Variants in PHOX2A observed in about 807,000 individuals in gnomAD.
PHOX2A encodes paired like homeobox 2A, also known as paired mesoderm homeobox protein 2A.
Under a neutral mutation model 16.4 loss-of-function variants are expected in PHOX2A, and 10 were observed. That is an observed-to-expected ratio of 0.61 (90% confidence interval 0.38 to 1.04). The LOEUF is 1.04. Among genes scored for constraint, PHOX2A ranks in the 50% least tolerant of loss-of-function variants. The pLI is 0.01. For missense variants in PHOX2A, 361 were observed against 419.4 expected, an observed-to-expected ratio of 0.86 and a Z score of 1.22; for synonymous variants, 219 against 203.8, an observed-to-expected ratio of 1.07 and a Z score of -0.64.
At chr11:72,242,996 C>T (rs1405612462) in intron 1 of PHOX2A, among the ~76,000 whole-genome samples, 1 of 152,090 alleles carries the variant, frequency 6.6e-6, no homozygotes, top group Non-Finnish European at 1.5e-5. Context: ...CTTGGGTCCC[C>T]GGCAGTCTTC....
At position 72,241,246 on chromosome 11, in the gene PHOX2A, C is replaced by G; in HGVS notation, c.261G>C (p.Lys87Asn). The change falls in exon 2 of 3, where the codon AAG becomes AAC. Residue 87 changes from lysine (K) to asparagine (N), a missense_variant. Physicochemically the swap from Lys to Asn is moderately conservative, Grantham distance 94. Around this residue, in one of 3 missense-constraint regions of PHOX2A, gnomAD observed 235 missense variants for 263.8 expected, o/e 0.89. Coordinates refer to ENST00000298231, the MANE Select transcript of PHOX2A (RefSeq NM_005169.4). Reference protein sequence around the residue: ...FFPEPSGLHEKRKQRRIRTTF... With the variant: ...FFPEPSGLHENRKQRRIRTTF... ...TGGTGCGGATGCGCCGCTGCTTGCG[C>G]TTCTCGTGCAGGCCGGATGGCTCTG... The G allele has an allele frequency of 6.3e-7, 1 of 1,590,454 alleles. No homozygotes were observed.
chr11:72,239,698 A>G lies in PHOX2A; in HGVS notation c.*51T>C. ...GATGGGAGGGGCTGTCAGGTCCTGG[A>G]GGGGCAGGGACGTCTCTGGGGGCAG... On this transcript the variant is annotated 3_prime_UTR_variant, in exon 3 of 3. Coordinates refer to ENST00000298231, the MANE Select transcript of PHOX2A (RefSeq NM_005169.4). The G allele has an allele frequency of 7.9e-7, 1 of 1,272,306 alleles. No individual in the cohort carries two copies. Among genetic ancestry groups the G allele is most frequent in the Non-Finnish European group, 1.0e-6 (1 of 995,138 alleles). 78.8% of individuals were successfully genotyped at this position (1,272,306 alleles called of 1,614,324 possible). A position where few individuals can be genotyped will look rare whatever the true frequency, so the allele number is the denominator to read the frequency against.
chr11:72,239,728 G>T lies in PHOX2A; in HGVS notation c.*21C>A, dbSNP rs770306817. 2 of 1,304,368 alleles carry T rather than the reference G, an allele frequency of 1.5e-6. No individual in the cohort carries two copies. Among genetic ancestry groups the T allele is most frequent in the Non-Finnish European group, 2.0e-6 (2 of 1,018,612 alleles). 80.8% of individuals were successfully genotyped at this position (1,304,368 alleles called of 1,614,324 possible). A position where few individuals can be genotyped will look rare whatever the true frequency, so the allele number is the denominator to read the frequency against. On this transcript the variant is annotated 3_prime_UTR_variant, in exon 3 of 3. Transcript: ENST00000298231. ...CAGGGACGTCTCTGGGGGCAGGCTCGGAGCCTCCAGAGGCCGGCAGCTAGA... is the reference window on the plus strand; with the variant it reads ...CAGGGACGTCTCTGGGGGCAGGCTCTGAGCCTCCAGAGGCCGGCAGCTAGA...
Position 72,241,198 on chromosome 11 carries a change from C to T in PHOX2A, c.309G>A (p.Lys103=), listed in dbSNP as rs764087245. 5.6e-6 allele frequency: 9 copies of T among 1,613,388 alleles called. No individual in the cohort carries two copies. Among genetic ancestry groups the T allele is most frequent in the East Asian group, 2.2e-5 (1 of 44,856 alleles). Residue 103 remains lysine, a synonymous_variant, in exon 2 of 3, where the codon AAG becomes AAA. Coordinates refer to ENST00000298231, the MANE Select transcript of PHOX2A (RefSeq NM_005169.4). ...TCTCAGCGAAAACGCGCTCCAGCTC[C>T]TTGAGCTGCGCGCTGGTGAACGTGG... ...IRTTFTSAQL[K]ELERVFAETH...
intron 1 of PHOX2A, among the ~76,000 whole-genome samples, chr11:72,243,527 G>A (rs1206618803): frequency 6.6e-6 from 1 of 152,196 alleles, no homozygotes; most frequent in Non-Finnish European, 1.5e-5. Flanking sequence ...AAGGGGCCCA[G>A]AGCTGGATGG....
intron 1 of PHOX2A, 27 bp from the exon 2 acceptor site, chr11:72,241,316 G>GT (rs1949119112): frequency 3.2e-6 from 4 of 1,248,264 alleles, no homozygotes; most frequent in Non-Finnish European, 4.4e-6. Flanking sequence ...GGGGGCCGGG[G>GT]GGGGGGCAAA....
Position 72,241,278 on chromosome 11 carries a change from A to C in PHOX2A, c.229T>G (p.Phe77Val). ...PAPYSAVPYK[F>V]FPEPSGLHEK... ...TGCAGGCCGGATGGCTCTGGGAAGAACTTGTAGGGCACTGCGGGTGTGTGC... is the reference window on the plus strand; with the variant it reads ...TGCAGGCCGGATGGCTCTGGGAAGACCTTGTAGGGCACTGCGGGTGTGTGC... Residue 77 changes from phenylalanine to valine, a missense_variant, in exon 2 of 3, where the codon TTC becomes GTC. Physicochemically the swap from Phe to Val is conservative, Grantham distance 50 (BLOSUM62 -1). Around this residue, in one of 3 missense-constraint regions of PHOX2A, gnomAD observed 235 missense variants for 263.8 expected, o/e 0.89. Transcript: ENST00000298231. The C allele has an allele frequency of 2.1e-6, 3 of 1,447,440 alleles. No homozygotes were observed. The highest frequency in any genetic ancestry group is 2.8e-6 in the Non-Finnish European group (3 of 1,079,560). The allele number at this position is 1,447,440 out of a possible 1,614,324, so 89.7% of individuals were successfully genotyped here. A position where few individuals can be genotyped will look rare whatever the true frequency, so the allele number is the denominator to read the frequency against.
chr11:72,241,072 A>C, intron 2 of PHOX2A, 30 bp downstream of exon 2: 1 of 1,607,790 alleles, frequency 6.2e-7, no homozygotes, highest in Admixed American at 1.7e-5. Flanking sequence ...TTCCATGCGC[A>C]CTCTCGTACA....
chr11:72,240,112 TTTGGCGCCCGCCGCGCCCGCCGCGCCC>T lies in PHOX2A; in HGVS notation c.465_491del (p.Gly156_Lys164del), dbSNP rs1272569813. On this transcript the variant is annotated inframe_deletion, in exon 3 of 3. Coordinates refer to ENST00000298231, the MANE Select transcript of PHOX2A (RefSeq NM_005169.4). ...CGGAGGAGCAGCGCGCCTCGCCCTT[TTTGGCGCCCGCCGCGCCCGCCGCGCCC>T]TTGGCGCTGGCCGCGCGCTCCTGTT... is the stretch of plus-strand genomic sequence containing the variant. 13 of 1,531,800 alleles carry T rather than the reference TTTGGCGCCCGCCGCGCCCGCCGCGCCC, an allele frequency of 8.5e-6. No individual in the cohort carries two copies. The highest frequency in any genetic ancestry group is 2.8e-5 in the African/African-American group (2 of 72,526). The allele number at this position is 1,531,800 out of a possible 1,614,324, so 94.9% of individuals were successfully genotyped here.
Position 72,244,057 on chromosome 11 carries a change from C to A in PHOX2A, c.-53G>T. On this transcript the variant is annotated 5_prime_UTR_variant, in exon 1 of 3. Transcript: ENST00000298231. ...GGCCAGGCCGGGTCGGGGTCGGGGT[C>A]CGGGTGGAGGTCGGAAGGGAGGTTC... 1 of 914,082 alleles carries A rather than the reference C, an allele frequency of 1.1e-6. No individual in the cohort carries two copies. The highest frequency in any genetic ancestry group is 1.4e-6 in the Non-Finnish European group (1 of 691,182). 56.6% of individuals were successfully genotyped at this position (914,082 alleles called of 1,614,324 possible).
intron 2 of PHOX2A, among the ~76,000 whole-genome samples, 181 bp downstream of exon 2, chr11:72,240,921 G>A (rs1447526899): frequency 6.6e-6 from 1 of 152,170 alleles, no homozygotes; most frequent in African/African-American, 2.4e-5. Flanking sequence ...TAAACAGATC[G>A]GGTCTCCCAA....
chr11:72,239,447 T>G lies in PHOX2A; in HGVS notation c.*302A>C. 1 of 280,708 alleles carries G rather than the reference T, an allele frequency of 3.6e-6. No homozygotes were observed. The highest frequency in any genetic ancestry group is 6.6e-6 in the Non-Finnish European group (1 of 151,500). 17.4% of individuals were successfully genotyped at this position (280,708 alleles called of 1,614,324 possible). On this transcript the variant is annotated 3_prime_UTR_variant, in exon 3 of 3. Transcript: ENST00000298231. ...TTGAGGACCTTCACTTTGAGGGCAC[T>G]GTTAGGGACAGGCCTCATGTGATAC... is the stretch of plus-strand genomic sequence containing the variant.
At position 72,239,841 on chromosome 11, in the gene PHOX2A, G is replaced by T; in HGVS notation, c.763C>A (p.Gln255Lys). 7.3e-7 allele frequency: 1 copy of T among 1,375,596 alleles called. No homozygotes were observed. Among genetic ancestry groups the T allele is most frequent in the Non-Finnish European group, 9.5e-7 (1 of 1,053,798 alleles). The allele number at this position is 1,375,596 out of a possible 1,614,324, so 85.2% of individuals were successfully genotyped here. A position where few individuals can be genotyped will look rare whatever the true frequency, so the allele number is the denominator to read the frequency against. ...AGAAELLKAW[Q>K]PAESGPGPFS... ...GGCCCGGGGCCGGACTCCGCCGGCT[G>T]CCAAGCCTTAAGTAGTTCGGCCGCT... The change falls in exon 3 of 3, where the codon CAG becomes AAG. Residue 255 changes from glutamine to lysine, a missense_variant. Gln to Lys is a moderately conservative substitution (Grantham distance 53). Transcript: ENST00000298231.
chr11:72,240,938 C>T (rs1949113697), intron 2 of PHOX2A, among the ~76,000 whole-genome samples, 164 bp downstream of exon 2: 1 of 152,218 alleles, frequency 6.6e-6, no homozygotes, highest in South Asian at 2.1e-4. Flanking sequence ...CCAAGGGCCT[C>T]CAAGTCCGGG....
At chr11:72,243,063 T>C (rs1949134582) in intron 1 of PHOX2A, among the ~76,000 whole-genome samples, 2 of 152,160 alleles carry the variant, frequency 1.3e-5, no homozygotes, top group African/African-American at 4.8e-5. Context: ...ATCAGAGGGC[T>C]GAGATGACTG....
intron 2 of PHOX2A, among the ~76,000 whole-genome samples, chr11:72,240,518 G>A (rs1949108368): frequency 6.6e-6 from 1 of 152,164 alleles, no homozygotes; most frequent in Non-Finnish European, 1.5e-5. Flanking sequence ...CTTCTTTTAG[G>A]AAGCTCTGGG....
At chr11:72,242,261 G>A (rs1015853211) in intron 1 of PHOX2A, among the ~76,000 whole-genome samples, 9 of 152,048 alleles carry the variant, frequency 5.9e-5, no homozygotes, top group Non-Finnish European at 1.3e-4. Context: ...TTCACCAGGG[G>A]TCTCCAATCT....
rs200316334 is a variant in PHOX2A at position 72,241,296 on chromosome 11, G to A, written c.218-7C>T. The A allele has an allele frequency of 8.0e-5, 124 of 1,551,582 alleles. No homozygotes were observed. The African/African-American group carries it at 1.2e-3, about 15-fold the overall frequency. The stretch of plus-strand genomic sequence containing the variant: ...GGGAAGAACTTGTAGGGCACTGCGG[G>A]TGTGTGCAGGGGGGCCGGGGGGGGG... On this transcript the variant is annotated splice_region_variant and splice_polypyrimidine_tract_variant and intron_variant, in intron 1 of 2. Coordinates refer to ENST00000298231, the MANE Select transcript of PHOX2A (RefSeq NM_005169.4).
intron 1 of PHOX2A, 23 bp from the exon 2 acceptor site, chr11:72,241,312 C>CGGGGGGGGGGAGGGGGGGCG: frequency 2.5e-6 from 1 of 399,388 alleles, no homozygotes; most frequent in Non-Finnish European, 3.9e-6. Flanking sequence ...GCAGGGGGGC[C>CGGGGGGGGGGAGGGGGGGCG]GGGGGGGGGG....
Sources: allele counts gnomAD v4.1 joint callset (sites outside exome capture counted in the v4.1 genomes callset), GRCh38; gene constraint gnomAD v4.1.1; regional missense constraint gnomAD v4.1.1; transcripts MANE v1.5; gene names NCBI Gene and HGNC (gene_info 2026-07-23, HGNC 2026-07-21).